STARD9: variants seen among roughly 807,000 people sequenced by gnomAD.
STARD9 encodes StAR related lipid transfer domain containing 9.
In STARD9, 346 loss-of-function variants were observed where a neutral mutation model predicts 399.8. The observed-to-expected ratio is 0.87, with a 90% CI of 0.79 to 0.95. STARD9 has a LOEUF of 0.95. Ranked by LOEUF, STARD9 falls within the 40% of genes least tolerant of loss-of-function variation. The pLI is 0.00. For synonymous variants in STARD9, 2,203 were observed against 2,143.5 expected (o/e 1.03, Z -0.77); for missense variants, 5,832 against 5,667.5 (o/e 1.03, Z -0.93).
intron 3 of STARD9, among the ~76,000 whole-genome samples, chr15:42,609,932 A>G (rs747577911): frequency 9.2e-5 from 14 of 151,848 alleles, no homozygotes; most frequent in Non-Finnish European, 1.6e-4. Context: ...ATCTCTACTA[A>G]AAATTCAAAA....
At chr15:42,676,017 T>TCCA in intron 20 of STARD9, 42 bp downstream of exon 20, 1 of 1,440,810 alleles carries the variant, frequency 6.9e-7, no homozygotes. Context: ...CCTACTGGGT[T>TCCA]CGCTTCTTAG....
In STARD9 at chr15:42,639,304, G is replaced by A. The variant is rs550031814; in HGVS notation, c.559+492G>A. ...AGCATGGTGAATGAGAGGGAAAACT[G>A]TAGGGAATGTGGTGGGGTCTGCAGG... On this transcript the variant is annotated intron_variant, in intron 7 of 32. Transcript: ENST00000290607. Among the ~76,000 whole-genome samples, 4 of 152,318 alleles carry A rather than the reference G, an allele frequency of 2.6e-5. No homozygotes were observed. The East Asian group carries it at 7.7e-4, about 29-fold the overall frequency.
At chr15:42,595,183 C>T (rs532803811) in intron 3 of STARD9, among the ~76,000 whole-genome samples, 2 of 152,140 alleles carry the variant, frequency 1.3e-5, no homozygotes, top group African/African-American at 4.8e-5. Flanking sequence ...GAGAGGGAAA[C>T]ATGAGGAACA....
At chr15:42,600,133 A>G (rs1177741125) in intron 3 of STARD9, among the ~76,000 whole-genome samples, 7 of 152,188 alleles carry the variant, frequency 4.6e-5, no homozygotes, top group Non-Finnish European at 7.3e-5. Context: ...CCAGACTCCT[A>G]TATTTCACCT....
In STARD9 at chr15:42,685,568, C is replaced by T. The variant is rs2060533543; in HGVS notation, c.3990C>T (p.Ser1330=). 2.6e-6 allele frequency: 4 copies of T among 1,537,618 alleles called. No individual in the cohort carries two copies. The highest frequency in any genetic ancestry group is 1.7e-4 in the Middle Eastern group (1 of 5,994). ...SLQGMQLSRE[S]PLMSMDSWFS... ...AAGGCATGCAGCTTTCAAGAGAGAG[C>T]CCACTGATGTCCATGGATTCCTGGT... Residue 1330 remains serine (S), a synonymous_variant, in exon 23 of 33, where the codon AGC becomes AGT. Transcript: ENST00000290607.
intron 3 of STARD9, among the ~76,000 whole-genome samples, chr15:42,587,873 A>AT (rs1430012299): frequency 2.6e-5 from 4 of 152,064 alleles, no homozygotes; most frequent in African/African-American, 4.8e-5. Flanking sequence ...GTGGCCCTTG[A>AT]TTTTTTATCC....
At chr15:42,708,734 G>A (rs781294422) in intron 26 of STARD9, among the ~76,000 whole-genome samples, 1 of 151,480 alleles carries the variant, frequency 6.6e-6, no homozygotes, top group Non-Finnish European at 1.5e-5. Context: ...TTTGAGAGAG[G>A]CACTTCTGAG....
intron 3 of STARD9, among the ~76,000 whole-genome samples, chr15:42,591,246 G>A (rs539573579): frequency 1.3e-5 from 2 of 152,200 alleles, no homozygotes; most frequent in African/African-American, 4.8e-5. Flanking sequence ...CTAGCACTTT[G>A]GGAGGCCAAG....
At chr15:42,705,309 G>A (rs143465521) in intron 26 of STARD9, among the ~76,000 whole-genome samples, 2 of 152,146 alleles carry the variant, frequency 1.3e-5, no homozygotes, top group Admixed American at 6.5e-5. Flanking sequence ...CTATCAACTG[G>A]TTTTCCTAGC....
chr15:42,665,723 G>C (rs890229302), intron 14 of STARD9, 63 bp from the exon 15 acceptor site: 3 of 1,335,156 alleles, frequency 2.2e-6, no homozygotes, highest in Admixed American at 2.0e-5. Context: ...ACAAGTGTAA[G>C]GGTGGGACCT....
intron 9 of STARD9, 63 bp from the exon 10 acceptor site, chr15:42,661,095 G>A (rs2140090632): frequency 1.6e-6 from 2 of 1,249,678 alleles, no homozygotes; most frequent in South Asian, 2.6e-5. Context: ...GGTTAGAAGA[G>A]TTCTAAGGGG....
chr15:42,665,814 A>G lies in STARD9; in HGVS notation c.1283A>G (p.Asn428Ser). Residue 428 changes from asparagine to serine, a missense_variant, in exon 15 of 33, where the codon AAC becomes AGC. Asn to Ser is a conservative substitution (Grantham distance 46). Around this residue, in one of 2 missense-constraint regions of STARD9, gnomAD observed 5,828 missense variants for 5,651.1 expected, o/e 1.03. Transcript: ENST00000290607. ...AACTTCAGTTCATTGAGTGATGAAAACCTGAAGGAGCTGGTTCTCCAAAAT... is the reference window on the plus strand; with the variant it reads ...AACTTCAGTTCATTGAGTGATGAAAGCCTGAAGGAGCTGGTTCTCCAAAAT... ...LRNFSSLSDE[N>S]LKELVLQNEL... The G allele has an allele frequency of 1.3e-6, 2 of 1,537,130 alleles. No homozygotes were observed. The highest frequency in any genetic ancestry group is 1.7e-6 in the Non-Finnish European group (2 of 1,146,842).
chr15:42,671,468 T>C (rs1210464402), intron 16 of STARD9: 1 of 152,170 alleles, frequency 6.6e-6, no homozygotes, highest in Non-Finnish European at 1.5e-5. Context: ...CCCTTTCTCC[T>C]TCCCCATTGG....
chr15:42,691,330 A>T lies in STARD9; in HGVS notation c.9752A>T (p.Glu3251Val). 6.5e-7 allele frequency: 1 copy of T among 1,537,216 alleles called. No homozygotes were observed. The highest frequency in any genetic ancestry group is 1.2e-5 in the South Asian group (1 of 84,070). ...CAGATTTTAGATGCTGGGAGAGAGG[A>T]GGTGGCTGTGGCCAAGCCTCCTGTG... Reference protein sequence around the residue: ...GCQILDAGREEVAVAKPPVSK... With the variant: ...GCQILDAGREVVAVAKPPVSK... The change falls in exon 23 of 33, where the codon GAG (glutamate) becomes GTG (valine). Residue 3251 changes from glutamate to valine, a missense_variant. Glu to Val is a moderately radical substitution (Grantham distance 121). Around this residue, in one of 2 missense-constraint regions of STARD9, gnomAD observed 5,828 missense variants for 5,651.1 expected, o/e 1.03. Transcript: ENST00000290607.
In STARD9 at chr15:42,637,908, C is replaced by G. The variant is rs1044259540; in HGVS notation, c.353C>G (p.Ala118Gly). ...GCTTTCCTTTCTTCTGTTCACCAGG[C>G]CTCTGTTGGGTTGACACCACGGATA... is the stretch of plus-strand genomic sequence containing the variant. ...GKTYTMLGTP[A>G]SVGLTPRICE... Residue 118 changes from alanine to glycine, a missense_variant and splice_region_variant, in exon 5 of 33, where the codon GCC becomes GGC. Physicochemically the swap from Ala to Gly is moderately conservative, Grantham distance 60. Coordinates refer to ENST00000290607, the MANE Select transcript of STARD9 (RefSeq NM_020759.3). The G allele has an allele frequency of 3.1e-5, 47 of 1,537,076 alleles. No homozygotes were observed. The highest frequency in any genetic ancestry group is 3.9e-5 in the Admixed American group (2 of 50,964).
At chr15:42,590,977 G>A (rs934319586) in intron 3 of STARD9, among the ~76,000 whole-genome samples, 2 of 152,222 alleles carry the variant, frequency 1.3e-5, no homozygotes, top group African/African-American at 2.4e-5. Flanking sequence ...TGCACAAACT[G>A]TGTCAGTGCT....
At chr15:42,716,163 T>C (rs1294615359) in intron 26 of STARD9, among the ~76,000 whole-genome samples, 1 of 152,104 alleles carries the variant, frequency 6.6e-6, no homozygotes, top group East Asian at 1.9e-4. Context: ...ACATTGCAGA[T>C]CCAGAGGGTA....
intron 3 of STARD9, among the ~76,000 whole-genome samples, chr15:42,611,416 A>G (rs1273264094): frequency 1.3e-5 from 2 of 152,228 alleles, no homozygotes; most frequent in African/African-American, 4.8e-5. Context: ...TGTTGGAGAC[A>G]TTCTCGTTCT....
chr15:42,622,853 G>T (rs2059118083), intron 3 of STARD9, among the ~76,000 whole-genome samples: 1 of 152,188 alleles, frequency 6.6e-6, no homozygotes, highest in African/African-American at 2.4e-5. Flanking sequence ...TACAGTCCTG[G>T]GGTCAACCTC....
Sources: allele counts gnomAD v4.1 joint callset (sites outside exome capture counted in the v4.1 genomes callset), GRCh38; gene constraint gnomAD v4.1.1; regional missense constraint gnomAD v4.1.1; transcripts MANE v1.5; gene names NCBI Gene and HGNC (gene_info 2026-07-23, HGNC 2026-07-21).